Variants in HEPH observed in about 807,000 individuals in gnomAD.
The protein encoded by HEPH is hephaestin.
HEPH carries 69 observed loss-of-function variants against 80.8 expected under a neutral mutation model. That is an observed-to-expected ratio of 0.85 (90% CI 0.70 to 1.04). The LOEUF is 1.04. HEPH is among the 50% of genes least tolerant of loss of function. The pLI is 0.00. For synonymous variants in HEPH, 431 were observed against 322.8 expected, an observed-to-expected ratio of 1.34 and a Z score of -3.60; for missense variants, 1,115 against 891.3, an observed-to-expected ratio of 1.25 and a Z score of -3.20.
upstream of HEPH, among the ~76,000 whole-genome samples, chrX:66,163,949 T>C (rs750886252): frequency 8.9e-6 from 1 of 112,181 alleles, no homozygotes; most frequent in Non-Finnish European, 1.9e-5. Flanking sequence ...AGAATAATAG[T>C]CAGGGCTGAC....
At chrX:66,235,770 C>T (rs909970117) in intron 15 of HEPH, among the ~76,000 whole-genome samples, 1 of 111,940 alleles carries the variant, frequency 8.9e-6, no homozygotes, top group Non-Finnish European at 1.9e-5. Context: ...AGCATTGAAT[C>T]TATACATTGC....
chrX:66,220,394 C>T (rs778427478), intron 15 of HEPH, among the ~76,000 whole-genome samples: 10 of 111,402 alleles, frequency 9.0e-5, no homozygotes, highest in African/African-American at 2.9e-4. Flanking sequence ...CCAACCCCAT[C>T]GATTCCTAGG....
Position 66,198,419 on chromosome X carries a change from A to G in HEPH, c.1714-459A>G, listed in dbSNP as rs1385805911. 3.6e-5 allele frequency among the ~76,000 whole-genome samples: 4 copies of G among 112,246 alleles called. No homozygotes were observed. The East Asian group carries it at 8.4e-4, about 23-fold the overall frequency. On this transcript the variant is annotated intron_variant, in intron 10 of 20. Coordinates refer to ENST00000343002, the MANE Select transcript of HEPH (RefSeq NM_001367233.3). ...GTGAAGATTAATTAAAATAACCCAT[A>G]TAAAGTGCCTAGCACAGTGTCTGGC...
chrX:66,238,630 G>T (rs940885624), intron 15 of HEPH, among the ~76,000 whole-genome samples: 1 of 111,590 alleles, frequency 9.0e-6, no homozygotes, highest in Non-Finnish European at 1.9e-5. Flanking sequence ...AGTCTGATGG[G>T]TGTCCTTTTG....
intron 3 of HEPH, 82 bp from the exon 4 acceptor site, chrX:66,173,507 C>T (rs1046263000): frequency 1.5e-6 from 1 of 658,629 alleles, no homozygotes; most frequent in African/African-American, 2.2e-5. Flanking sequence ...TAGGGTTCTA[C>T]ATGTCAGCTC....
chrX:66,175,493 C>CT (rs1190190077), intron 4 of HEPH, among the ~76,000 whole-genome samples: 4 of 111,435 alleles, frequency 3.6e-5, no homozygotes, highest in African/African-American at 1.3e-4. Flanking sequence ...TATGCAGGCG[C>CT]TTTTTTGGTT....
At chrX:66,247,523 C>T (rs2090857498) in intron 15 of HEPH, among the ~76,000 whole-genome samples, 1 of 110,523 alleles carries the variant, frequency 9.0e-6, no homozygotes, top group African/African-American at 3.3e-5. Flanking sequence ...TTTTTATTTC[C>T]ATATCTTTAT....
chrX:66,178,691 G>A (rs1258704459), intron 4 of HEPH, among the ~76,000 whole-genome samples: 1 of 112,165 alleles, frequency 8.9e-6, no homozygotes, highest in African/African-American at 3.2e-5. Flanking sequence ...TTCTCTGATG[G>A]CCAGTGATGA....
At chrX:66,194,326 G>C (rs1448618188) in intron 8 of HEPH, among the ~76,000 whole-genome samples, 3 of 111,858 alleles carry the variant, frequency 2.7e-5, no homozygotes, top group Non-Finnish European at 5.6e-5. Context: ...CCATAGGAAG[G>C]AGAGATGGTG....
intron 10 of HEPH, among the ~76,000 whole-genome samples, 166 bp downstream of exon 10, chrX:66,198,060 C>T (rs1272528288): frequency 8.9e-6 from 1 of 111,815 alleles, no homozygotes; most frequent in Admixed American, 9.4e-5. Context: ...TACTATCTTG[C>T]ATGTTATTTT....
At chrX:66,257,941 G>A (rs2091234447) in intron 17 of HEPH, among the ~76,000 whole-genome samples, 1 of 111,969 alleles carries the variant, frequency 8.9e-6, no homozygotes, top group Non-Finnish European at 1.9e-5. Context: ...TGGAGCATAG[G>A]ATGTGGCCTG....
chrX:66,237,043 T>C (rs2090390070), intron 15 of HEPH, among the ~76,000 whole-genome samples: 1 of 111,567 alleles, frequency 9.0e-6, no homozygotes, highest in Admixed American at 9.5e-5. Flanking sequence ...AAGTCTATTT[T>C]ATTAGTTACT....
intron 2 of HEPH, among the ~76,000 whole-genome samples, chrX:66,171,593 C>T (rs886672769): frequency 2.7e-5 from 3 of 111,788 alleles, no homozygotes; most frequent in African/African-American, 9.7e-5. Flanking sequence ...TCTCTGAGTT[C>T]TCTGAGAAGA....
At chrX:66,200,862 C>A in intron 12 of HEPH, 110 bp downstream of exon 12, 1 of 582,749 alleles carries the variant, frequency 1.7e-6, no homozygotes, top group South Asian at 3.2e-5. Context: ...GTTAAGGGTT[C>A]TAGGAAGTTT....
chrX:66,182,050 T>C (rs2087187419), intron 4 of HEPH, among the ~76,000 whole-genome samples: 1 of 105,895 alleles, frequency 9.4e-6, no homozygotes. Flanking sequence ...TTCTGTTCCA[T>C]TGATCTATAT....
rs1338046701 is a variant in HEPH at position 66,177,154 on chromosome X, G to A, written c.625+3353G>A. ...CAAACAACCCCATCAAAAAGTGGGC[G>A]AAGGATATGAACAGATGGTCTGTAG... On this transcript the variant is annotated intron_variant, in intron 4 of 20. Coordinates refer to ENST00000343002, the MANE Select transcript of HEPH (RefSeq NM_001367233.3). Among the ~76,000 whole-genome samples, 9 of 111,541 alleles carry A rather than the reference G, an allele frequency of 8.1e-5. No individual in the cohort carries two copies. In the East Asian group the frequency reaches 1.1e-3, roughly 14 times the overall value.
chrX:66,261,065 C>T (rs1185444128), intron 19 of HEPH, among the ~76,000 whole-genome samples: 2 of 112,143 alleles, frequency 1.8e-5, no homozygotes, highest in African/African-American at 6.5e-5. Flanking sequence ...GCATAAGGCA[C>T]TGAACCTGGC....
chrX:66,163,529 C>T (rs983868687), upstream of HEPH, among the ~76,000 whole-genome samples: 5 of 110,796 alleles, frequency 4.5e-5, no homozygotes, highest in Admixed American at 2.9e-4. Context: ...CTAGAAATGA[C>T]GGAGGCAAAG....
At chrX:66,190,365 T>C (rs1408208700) in intron 6 of HEPH, among the ~76,000 whole-genome samples, 1 of 111,258 alleles carries the variant, frequency 9.0e-6, no homozygotes, top group Non-Finnish European at 1.9e-5. Context: ...ACACTCTGGT[T>C]GGAACTCAAT....
Sources: allele counts gnomAD v4.1 joint callset (sites outside exome capture counted in the v4.1 genomes callset), GRCh38; gene constraint gnomAD v4.1.1; transcripts MANE v1.5; gene names NCBI Gene and HGNC (gene_info 2026-07-23, HGNC 2026-07-21).